ATRN: variants seen among roughly 807,000 people sequenced by gnomAD.
ATRN encodes the protein attractin-2.
In ATRN, 54 loss-of-function variants were observed where a neutral mutation model predicts 178.7. That is an observed-to-expected ratio of 0.30 (90% CI 0.24 to 0.38). The LOEUF (loss-of-function observed/expected upper bound fraction) is 0.38, where lower values mean the gene tolerates loss of function less well. ATRN is among the 10% of genes least tolerant of loss of function. ATRN has a pLI of 1.00. For synonymous variants in ATRN, 636 were observed against 663.0 expected (o/e 0.96, Z 0.63); for missense variants, 1,443 against 1,815.1 (o/e 0.79, Z 3.73).
intron 1 of ATRN, among the ~76,000 whole-genome samples, chr20:3,511,341 A>G (rs1041947933): frequency 2.0e-5 from 3 of 152,198 alleles, no homozygotes; most frequent in Non-Finnish European, 4.4e-5. Flanking sequence ...TGATAAAGGC[A>G]AAAAGAAAAC....
At chr20:3,550,917 C>T (rs929601703) in intron 6 of ATRN, among the ~76,000 whole-genome samples, 1 of 152,288 alleles carries the variant, frequency 6.6e-6, no homozygotes, top group Admixed American at 6.5e-5. Flanking sequence ...TTTGTGTGGG[C>T]ACCTCTTAGA....
In ATRN at chr20:3,638,980, C is replaced by G. The variant is rs1377201591; in HGVS notation, c.4050+45C>G. On this transcript the variant is annotated intron_variant, in intron 27 of 28. Coordinates refer to ENST00000262919, the MANE Select transcript of ATRN (RefSeq NM_139321.3). The surrounding 1 kb of genome is among the most constrained non-coding windows in gnomAD (Gnocchi z 4.5). ...GTCCCTATAACTTGACTTTTTAAAACTTAGGCTCCTAAGTCTGGGAAACCA... is the reference window on the plus strand; with the variant it reads ...GTCCCTATAACTTGACTTTTTAAAAGTTAGGCTCCTAAGTCTGGGAAACCA... 1 of 1,504,470 alleles carries G rather than the reference C, an allele frequency of 6.6e-7. No homozygotes were observed. Among genetic ancestry groups the G allele is most frequent in the African/African-American group, 1.4e-5 (1 of 72,118 alleles). The allele number at this position is 1,504,470 out of a possible 1,614,324, so 93.2% of individuals were successfully genotyped here.
chr20:3,602,476 T>TA (rs1328542881), intron 23 of ATRN, among the ~76,000 whole-genome samples: 1 of 152,290 alleles, frequency 6.6e-6, no homozygotes, highest in African/African-American at 2.4e-5. Flanking sequence ...CTGGGTTTTT[T>TA]AAAATCAAAA....
In ATRN at chr20:3,546,682, C is replaced by T. The variant is rs117510651; in HGVS notation, c.738-602C>T. Among the ~76,000 whole-genome samples the T allele has an allele frequency of 6.9e-4, 105 of 152,176 alleles. 1 individual carries two copies. In the East Asian group the frequency reaches 0.01, roughly 15 times the overall value. On this transcript the variant is annotated intron_variant, in intron 4 of 28. Transcript: ENST00000262919. ...TTGAGATTACAGCCGTGAGCCACTG[C>T]GCCTGGCCATAGTTCAATTCTTACA...
chr20:3,524,446 A>G (rs866737413), intron 1 of ATRN, among the ~76,000 whole-genome samples: 3 of 152,142 alleles, frequency 2.0e-5, no homozygotes, highest in African/African-American at 7.2e-5. Context: ...AGACACTTAC[A>G]CTCCCACGCA....
chr20:3,596,273 G>A, intron 20 of ATRN, 104 bp from the exon 21 acceptor site: 1 of 1,197,580 alleles, frequency 8.4e-7, no homozygotes, highest in Non-Finnish European at 1.2e-6. Context: ...AATTATAATG[G>A]CTCCAGACTA....
intron 1 of ATRN, among the ~76,000 whole-genome samples, chr20:3,524,140 G>A (rs940101111): frequency 6.6e-6 from 1 of 151,776 alleles, no homozygotes; most frequent in Non-Finnish European, 1.5e-5. Context: ...AAGACCCATC[G>A]GTGTGCTGTA....
intron 10 of ATRN, among the ~76,000 whole-genome samples, chr20:3,565,078 C>A (rs2146228368): frequency 6.6e-6 from 1 of 152,178 alleles, no homozygotes; most frequent in East Asian, 1.9e-4. Flanking sequence ...TCTAGTGCAT[C>A]AAACTGATAG....
chr20:3,560,734 A>C lies in ATRN; in HGVS notation c.1276A>C (p.Ile426Leu), dbSNP rs763692763. The C allele has an allele frequency of 1.2e-6, 2 of 1,614,100 alleles. No individual in the cohort carries two copies. The highest frequency in any genetic ancestry group is 4.5e-5 in the East Asian group (2 of 44,878). ...GACCAATGAGTTGAGAGTTTTTCAC[A>C]TTCATAATGAGTCATGGGTGTTGTT... ...NVTNELRVFH[I>L]HNESWVLLTP... Residue 426 changes from isoleucine (I) to leucine (L), a missense_variant, in exon 8 of 29, where the codon ATT becomes CTT. Physicochemically the swap from Ile to Leu is conservative, Grantham distance 5. Around this residue, in one of 4 missense-constraint regions of ATRN, gnomAD observed 862 missense variants for 972.1 expected, o/e 0.89. Coordinates refer to ENST00000262919, the MANE Select transcript of ATRN (RefSeq NM_139321.3).
chr20:3,610,883 G>A (rs909856559), intron 24 of ATRN, among the ~76,000 whole-genome samples: 7 of 150,716 alleles, frequency 4.6e-5, no homozygotes, highest in Admixed American at 1.3e-4. Context: ...GACATGAGCC[G>A]TTGCGCCCAG....
Position 3,563,226 on chromosome 20 carries a change from G to A in ATRN, c.1649G>A (p.Ser550Asn). ...DTQMWTILKD[S>N]RFFRYLHTAV... ...CTCAAAAGGACCATTCTTAAGGACAGCCGATTTTTCCGTTACTTGCACACA... is the reference window on the plus strand; with the variant it reads ...CTCAAAAGGACCATTCTTAAGGACAACCGATTTTTCCGTTACTTGCACACA... Residue 550 changes from serine to asparagine, a missense_variant, in exon 10 of 29, where the codon AGC becomes AAC. Physicochemically the swap from Ser to Asn is conservative, Grantham distance 46. Around this residue, in one of 4 missense-constraint regions of ATRN, gnomAD observed 862 missense variants for 972.1 expected, o/e 0.89. Coordinates refer to ENST00000262919, the MANE Select transcript of ATRN (RefSeq NM_139321.3). The A allele has an allele frequency of 6.2e-7, 1 of 1,613,078 alleles. No homozygotes were observed.
chr20:3,569,535 G>A (rs2086087122), intron 11 of ATRN, among the ~76,000 whole-genome samples: 1 of 152,164 alleles, frequency 6.6e-6, no homozygotes, highest in Non-Finnish European at 1.5e-5. Flanking sequence ...TGAGTGAGTA[G>A]ACTGTACACT....
intron 25 of ATRN, among the ~76,000 whole-genome samples, chr20:3,625,616 A>G (rs235518): frequency 0.87 from 131,978 of 152,204 alleles, 57,614 homozygotes; most frequent in East Asian, 1. Context: ...ACAGAACTGA[A>G]AAATCTCACA....
intron 1 of ATRN, among the ~76,000 whole-genome samples, chr20:3,524,275 A>G (rs2085334898): frequency 6.6e-6 from 1 of 151,972 alleles, no homozygotes; most frequent in Non-Finnish European, 1.5e-5. Context: ...CTAGTATCTG[A>G]TAAAACAGAC....
At chr20:3,555,160 C>A (rs1338825458) in intron 6 of ATRN, among the ~76,000 whole-genome samples, 1 of 151,970 alleles carries the variant, frequency 6.6e-6, no homozygotes, top group African/African-American at 2.4e-5. Context: ...CGCCACCTCG[C>A]CCGGCTAATT....
At chr20:3,593,874 T>G (rs926007568) in intron 19 of ATRN, among the ~76,000 whole-genome samples, 9 of 152,098 alleles carry the variant, frequency 5.9e-5, no homozygotes. Context: ...AAAGGAGAGA[T>G]GTTGAGTTGG....
intron 24 of ATRN, among the ~76,000 whole-genome samples, chr20:3,605,199 A>G (rs2086661944): frequency 6.6e-6 from 1 of 152,224 alleles, no homozygotes; most frequent in Admixed American, 6.5e-5. Context: ...TCAGAACCAC[A>G]GTGAGATACC....
In ATRN at chr20:3,549,346, G is replaced by A. The variant is rs201622481; in HGVS notation, c.1112+8G>A. ...TTATAACATGGTTCTAGCGTAAGTC[G>A]TTTTAAACATTTTTGCAAGAAGCTT... On this transcript the variant is annotated splice_region_variant and intron_variant, in intron 6 of 28. Transcript: ENST00000262919. 624 of 1,506,928 alleles carry A rather than the reference G, an allele frequency of 4.1e-4. 3 individuals carry two copies. The highest frequency in any genetic ancestry group is 5.1e-4 in the Non-Finnish European group (576 of 1,134,092). The allele number at this position is 1,506,928 out of a possible 1,614,324, so 93.3% of individuals were successfully genotyped here.
At chr20:3,591,112 C>A in intron 18 of ATRN, 57 bp from the exon 19 acceptor site, 1 of 1,465,904 alleles carries the variant, frequency 6.8e-7, no homozygotes, top group Non-Finnish European at 9.1e-7. Context: ...TCTTATTGAA[C>A]TTAACTACAT....
Sources: allele counts gnomAD v4.1 joint callset (sites outside exome capture counted in the v4.1 genomes callset), GRCh38; gene constraint gnomAD v4.1.1; regional missense constraint gnomAD v4.1.1; non-coding constraint Gnocchi (gnomAD v3.1); transcripts MANE v1.5; gene names NCBI Gene and HGNC (gene_info 2026-07-23, HGNC 2026-07-21).